MIA2: variants seen among roughly 807,000 people sequenced by gnomAD.
MIA2 encodes the protein MIA SH3 domain ER export factor 2.
Under a neutral mutation model 167.8 loss-of-function variants are expected in MIA2, and 127 were observed. That is an observed-to-expected ratio of 0.76 (90% CI 0.66 to 0.88). The LOEUF (loss-of-function observed/expected upper bound fraction) is 0.88, where lower values mean the gene tolerates loss of function less well. Among genes scored for constraint, MIA2 ranks in the 40% least tolerant of loss-of-function variants. The pLI is 0.00. For synonymous variants in MIA2, 552 were observed against 541.9 expected, an observed-to-expected ratio of 1.02 and a Z score of -0.26; for missense variants, 1,690 against 1,624.7, an observed-to-expected ratio of 1.04 and a Z score of -0.69.
chr14:39,256,594 AT>A lies in MIA2; in HGVS notation c.1887+3424del, dbSNP rs763185948. On this transcript the variant is annotated intron_variant, in intron 6 of 28. Transcript: ENST00000640607. ...AAAGGAGGCAGCTTTTTAAAAAAAA[AT>A]AACAAAGAAATTATGAGAAAGCAAA... Among the ~76,000 whole-genome samples the A allele has an allele frequency of 1.4e-4, 21 of 152,288 alleles. No individual in the cohort carries two copies. In the South Asian group the frequency reaches 2.3e-3, roughly 17 times the overall value.
At chr14:39,326,756 G>A in intron 24 of MIA2, 108 bp from the exon 25 acceptor site, 1 of 984,264 alleles carries the variant, frequency 1.0e-6, no homozygotes, top group Non-Finnish European at 1.4e-6. Flanking sequence ...TTATTTTTCA[G>A]ACTTTGTATT....
rs1157834327 is a variant in MIA2, at chr14:39,380,084, A to G, written c.2249-6801A>G. On this transcript the variant is annotated intron_variant, in intron 23 of 23. Transcript: ENST00000341502. ...GTGAAGGCTTTCGGTTTCATAAAAT[A>G]ATTTAGATATATTAAGCCAAGAGCA... is the stretch of plus-strand genomic sequence containing the variant. 2.0e-5 allele frequency among the ~76,000 whole-genome samples: 3 copies of G among 152,340 alleles called. No individual in the cohort carries two copies. In the East Asian group the frequency reaches 5.8e-4, roughly 29 times the overall value.
intron 12 of MIA2, 68 bp downstream of exon 12, chr14:39,294,139 A>G (rs2061096893): frequency 1.7e-6 from 2 of 1,165,578 alleles, no homozygotes; most frequent in Non-Finnish European, 2.5e-6. Flanking sequence ...TTTAAAATTA[A>G]GAAATAAGAC....
rs2063935287 is a variant in MIA2, at chr14:39,309,912, AC to A, written c.3017+1326del. 2.7e-5 allele frequency among the ~76,000 whole-genome samples: 4 copies of A among 149,494 alleles called. No individual in the cohort carries two copies. The Admixed American group carries it at 2.7e-4, about 10-fold the overall frequency. ...CTGAAGACCCTTGAGATATCTGAAG[AC>A]TCTAGATTTTCAAATAGTGCCATGG... is the stretch of plus-strand genomic sequence containing the variant. On this transcript the variant is annotated intron_variant, in intron 18 of 28. Coordinates refer to ENST00000640607, the MANE Select transcript of MIA2 (RefSeq NM_001329214.4).
At chr14:39,332,482 T>C (rs1192300470) in intron 25 of MIA2, among the ~76,000 whole-genome samples, 1 of 152,224 alleles carries the variant, frequency 6.6e-6, no homozygotes, top group African/African-American at 2.4e-5. Context: ...TTTGTTCCCT[T>C]GCTGCCAAGG....
At chr14:39,378,680 A>G (rs2075093435) in intron 23 of MIA2, among the ~76,000 whole-genome samples, 1 of 152,230 alleles carries the variant, frequency 6.6e-6, no homozygotes, top group Non-Finnish European at 1.5e-5. Context: ...TGATTTTGGC[A>G]CATATACTAA....
At chr14:39,307,807 G>A (rs1233046665) in intron 17 of MIA2, among the ~76,000 whole-genome samples, 1 of 152,096 alleles carries the variant, frequency 6.6e-6, no homozygotes, top group Non-Finnish European at 1.5e-5. Flanking sequence ...GGCAACATGA[G>A]TGAGCCTATT....
chr14:39,365,202 A>C (rs1196605472), intron 23 of MIA2, among the ~76,000 whole-genome samples: 3 of 152,092 alleles, frequency 2.0e-5, no homozygotes, highest in Non-Finnish European at 4.4e-5. Flanking sequence ...AGTAGCTGGG[A>C]TTACAGGCAT....
At chr14:39,303,648 C>T in intron 16 of MIA2, 124 bp downstream of exon 16, 1 of 598,990 alleles carries the variant, frequency 1.7e-6, no homozygotes. Context: ...TACAAATTAT[C>T]AGAATTTTCA....
intron 25 of MIA2, among the ~76,000 whole-genome samples, chr14:39,337,886 C>A (rs1413927934): frequency 6.6e-6 from 1 of 151,910 alleles, no homozygotes; most frequent in African/African-American, 2.4e-5. Context: ...CCCGGCCAGG[C>A]TAATTTTAAA....
intron 23 of MIA2, among the ~76,000 whole-genome samples, chr14:39,366,440 G>A (rs1194202801): frequency 1.3e-5 from 2 of 152,286 alleles, no homozygotes; most frequent in African/African-American, 4.8e-5. Flanking sequence ...GTTTCCAGGT[G>A]GCACACACTT....
chr14:39,319,145 G>T (rs752371855), intron 22 of MIA2, 64 bp from the exon 23 acceptor site: 12 of 820,400 alleles, frequency 1.5e-5, no homozygotes, highest in Non-Finnish European at 2.1e-5. Context: ...GTTGGTAGAG[G>T]CATTTTTTCT....
At chr14:39,243,877 A>T (rs2152620222) in intron 3 of MIA2, among the ~76,000 whole-genome samples, 1 of 152,352 alleles carries the variant, frequency 6.6e-6, no homozygotes, top group African/African-American at 2.4e-5. Context: ...AAAAACAAAC[A>T]GAAAAAAGAA....
At chr14:39,295,609 G>A (rs769189763) in intron 13 of MIA2, among the ~76,000 whole-genome samples, 2 of 151,998 alleles carry the variant, frequency 1.3e-5, no homozygotes, top group South Asian at 4.2e-4. Context: ...TGCCAGGCTG[G>A]AGTGCAGTGG....
intron 7 of MIA2, among the ~76,000 whole-genome samples, chr14:39,277,722 ATATATATATATATATATATATGTGTG>A (rs1430461688): frequency 0.11 from 309 of 2,770 alleles, 86 homozygotes; most frequent in African/African-American, 0.33. Flanking sequence ...ATATGTGTGT[ATATATATATATATATATATATGTGTG>A]TATATATATA....
intron 23 of MIA2, among the ~76,000 whole-genome samples, chr14:39,365,256 G>T (rs2074794773): frequency 6.6e-6 from 1 of 152,048 alleles, no homozygotes; most frequent in South Asian, 2.1e-4. Context: ...AGTAGAGACG[G>T]GGTTTCACCA....
intron 25 of MIA2, among the ~76,000 whole-genome samples, chr14:39,344,516 G>T (rs2072763793): frequency 6.6e-6 from 1 of 152,098 alleles, no homozygotes; most frequent in Non-Finnish European, 1.5e-5. Flanking sequence ...CACATCTCCC[G>T]ACCATTGGGA....
chr14:39,379,729 G>A lies in MIA2; in HGVS notation c.2249-7156G>A, dbSNP rs893013969. ...TAGCCAAGCATGGTGGTGCGCACCT[G>A]TAATCCCAGTTATCAGGAGGCTGAG... On this transcript the variant is annotated intron_variant, in intron 23 of 23. Coordinates refer to the MIA2 transcript ENST00000341502. Among the ~76,000 whole-genome samples, 37 of 151,986 alleles carry A rather than the reference G, an allele frequency of 2.4e-4. 1 individual carries two copies. Among genetic ancestry groups the A allele is most frequent in the South Asian group, 8.3e-4 (4 of 4,820 alleles).
chr14:39,253,305 C>A, intron 6 of MIA2, 134 bp downstream of exon 6: 2 of 1,141,904 alleles, frequency 1.8e-6, no homozygotes, highest in Non-Finnish European at 2.5e-6. Flanking sequence ...GACATCTTAC[C>A]TGTAAGATTT....
Sources: gnomAD v4.1 joint callset for allele counts (sites outside exome capture counted in the v4.1 genomes callset) on GRCh38, gnomAD v4.1.1 for gene constraint, MANE v1.5 for transcripts, NCBI Gene and HGNC (gene_info 2026-07-23, HGNC 2026-07-21) for gene names.